Variants in FAM169A observed in about 807,000 individuals in gnomAD.
The protein encoded by FAM169A is soluble lamin-associated protein of 75 kDa.
Under a neutral mutation model 75.7 loss-of-function variants are expected in FAM169A, and 24 were observed. The observed-to-expected ratio is 0.32, with a 90% confidence interval of 0.23 to 0.45. The LOEUF (loss-of-function observed/expected upper bound fraction) is 0.45, where lower values mean the gene tolerates loss of function less well. Among genes scored for constraint, FAM169A ranks in the 20% least tolerant of loss-of-function variants. The probability of loss-of-function intolerance (pLI) is 1.00; values close to 1 mark genes in which losing one functional copy is unlikely to be tolerated. For missense variants in FAM169A, 673 were observed against 784.0 expected, an observed-to-expected ratio of 0.86 and a Z score of 1.69; for synonymous variants, 271 against 271.0, an observed-to-expected ratio of 1.00 and a Z score of 0.00.
intron 1 of FAM169A, among the ~76,000 whole-genome samples, chr5:74,848,376 G>A (rs1749265623): frequency 6.6e-6 from 1 of 152,018 alleles, no homozygotes; most frequent in South Asian, 2.1e-4. Flanking sequence ...CATACCACTA[G>A]TAAGACTAGA....
intron 1 of FAM169A, among the ~76,000 whole-genome samples, chr5:74,861,552 TA>T (rs1209928807): frequency 1.3e-5 from 2 of 151,956 alleles, no homozygotes; most frequent in Non-Finnish European, 2.9e-5. Context: ...CCATTTCTAC[TA>T]AAAATACAAA....
chr5:74,797,605 G>A (rs748774272), intron 10 of FAM169A, among the ~76,000 whole-genome samples: 3 of 152,158 alleles, frequency 2.0e-5, no homozygotes, highest in Admixed American at 6.5e-5. Flanking sequence ...AGACACACTT[G>A]ACTATTTTAC....
At chr5:74,802,918 A>G (rs1746663548) in intron 8 of FAM169A, among the ~76,000 whole-genome samples, 1 of 152,162 alleles carries the variant, frequency 6.6e-6, no homozygotes, top group South Asian at 2.1e-4. Flanking sequence ...AAGATAAATA[A>G]TAGGAAAAAG....
In FAM169A at chr5:74,785,659, G is replaced by A. The variant is rs540661893; in HGVS notation, c.1261-2525C>T. ...CATGCCTAATTCAAGCTACTTGGGA[G>A]GCTAAAGCATGAGAATCGCTTAAAC... On this transcript the variant is annotated intron_variant, in intron 11 of 12. Coordinates refer to ENST00000687041, the MANE Select transcript of FAM169A (RefSeq NM_001376049.1). Among the ~76,000 whole-genome samples, 6 of 152,280 alleles carry A rather than the reference G, an allele frequency of 3.9e-5. No individual in the cohort carries two copies. The South Asian group carries it at 1.2e-3, about 32-fold the overall frequency.
At chr5:74,863,522 T>G (rs946740997) in intron 1 of FAM169A, among the ~76,000 whole-genome samples, 1 of 152,246 alleles carries the variant, frequency 6.6e-6, no homozygotes, top group South Asian at 2.1e-4. Flanking sequence ...TTGACAGATA[T>G]TGTGGGAACC....
In FAM169A at chr5:74,861,459, G is replaced by C. The variant is rs539502344; in HGVS notation, c.-4+4706C>G. The stretch of plus-strand genomic sequence containing the variant: ...AATAACGTATATCCAAAGTTGACCA[G>C]ACATAGTGGCTCCCAGCACTTTGGG... On this transcript the variant is annotated intron_variant, in intron 1 of 12. Coordinates refer to ENST00000687041, the MANE Select transcript of FAM169A (RefSeq NM_001376049.1). 5.2e-4 allele frequency among the ~76,000 whole-genome samples: 79 copies of C among 152,232 alleles called. 1 individual carries two copies. Among genetic ancestry groups the C allele is most frequent in the Admixed American group, 3.3e-3 (50 of 15,290 alleles).
chr5:74,778,326 G>A lies in FAM169A; in HGVS notation c.*3134C>T, dbSNP rs1745225712. On this transcript the variant is annotated 3_prime_UTR_variant, in exon 13 of 13. Transcript: ENST00000687041. ...TTAAGATCTGTTTCAGTTTGCTGGT[G>A]TGACCAAACCTTAGAAGGTAATCCC... The A allele has an allele frequency of 6.6e-6, 1 of 151,980 alleles. No individual in the cohort carries two copies. Among genetic ancestry groups the A allele is most frequent in the African/African-American group, 2.4e-5 (1 of 41,408 alleles). 9.4% of individuals were successfully genotyped at this position (151,980 alleles called of 1,614,324 possible). A position where few individuals can be genotyped will look rare whatever the true frequency, so the allele number is the denominator to read the frequency against.
At chr5:74,816,042 T>C (rs1363020386) in intron 5 of FAM169A, among the ~76,000 whole-genome samples, 10 of 152,254 alleles carry the variant, frequency 6.6e-5, no homozygotes, top group African/African-American at 2.2e-4. Context: ...GGACTTGCCC[T>C]GAATTCTTTC....
At chr5:74,845,552 T>C (rs1749110459) in intron 1 of FAM169A, among the ~76,000 whole-genome samples, 7 of 152,164 alleles carry the variant, frequency 4.6e-5, no homozygotes, top group Admixed American at 4.6e-4. Context: ...TAAAACTTGA[T>C]GTACATATGG....
intron 10 of FAM169A, among the ~76,000 whole-genome samples, chr5:74,797,743 T>C (rs921640913): frequency 6.6e-6 from 1 of 152,196 alleles, no homozygotes; most frequent in Non-Finnish European, 1.5e-5. Flanking sequence ...TTTCCATCAC[T>C]GCAGAAAGTT....
rs528995040 is a variant in FAM169A at position 74,862,252 on chromosome 5, T to C, written c.-4+3913A>G. 4.6e-5 allele frequency among the ~76,000 whole-genome samples: 7 copies of C among 152,308 alleles called. No homozygotes were observed. The South Asian group carries it at 1.5e-3, about 32-fold the overall frequency. On this transcript the variant is annotated intron_variant, in intron 1 of 12. Coordinates refer to ENST00000687041, the MANE Select transcript of FAM169A (RefSeq NM_001376049.1). ...GTTCATTCCTTCCTTTGAAAACCCA[T>C]TATTGGTTCCCCATCACCATGGAGC...
rs370643580 is a variant in FAM169A at position 74,840,974 on chromosome 5, T to C, written c.132+571A>G. ...GATAACATTACAATTCAGAGAATTA[T>C]AAAAATATTGGTGCTGGGGAAGACT... On this transcript the variant is annotated intron_variant, in intron 2 of 12. Transcript: ENST00000687041. Among the ~76,000 whole-genome samples, 165 of 152,282 alleles carry C rather than the reference T, an allele frequency of 1.1e-3. 1 individual carries two copies. In the South Asian group the frequency reaches 0.032, roughly 30 times the overall value.
chr5:74,805,596 T>C (rs1376089054), intron 6 of FAM169A, among the ~76,000 whole-genome samples: 1 of 141,732 alleles, frequency 7.1e-6, no homozygotes, highest in Non-Finnish European at 1.5e-5. Context: ...AGTGGCGCGA[T>C]CTCGGCTCAC....
intron 7 of FAM169A, among the ~76,000 whole-genome samples, chr5:74,804,828 G>A (rs1032190858): frequency 6.6e-6 from 1 of 152,144 alleles, no homozygotes; most frequent in Non-Finnish European, 1.5e-5. Context: ...GGGGAGAAGT[G>A]CATGAGATTA....
upstream of FAM169A, chr5:74,866,884 G>A (rs962117509): frequency 4.1e-6 from 4 of 985,350 alleles, no homozygotes; most frequent in African/African-American, 7.0e-5. Context: ...GAGGACCGCC[G>A]GCCTCCGCCC....
At chr5:74,794,562 A>T (rs939550855) in intron 11 of FAM169A, among the ~76,000 whole-genome samples, 1 of 151,466 alleles carries the variant, frequency 6.6e-6, no homozygotes, top group South Asian at 2.1e-4. Flanking sequence ...GCGGATCACA[A>T]GGTCAGGAGA....
At chr5:74,820,713 C>T (rs1371647095) in intron 5 of FAM169A, among the ~76,000 whole-genome samples, 4 of 152,198 alleles carry the variant, frequency 2.6e-5, no homozygotes, top group African/African-American at 9.7e-5. Context: ...CCCCTGCACC[C>T]AGTTTCCCAC....
intron 8 of FAM169A, among the ~76,000 whole-genome samples, chr5:74,802,105 TCA>T (rs929846477): frequency 6.4e-4 from 97 of 151,958 alleles, no homozygotes; most frequent in African/African-American, 2.2e-3. Flanking sequence ...TAATGACGAT[TCA>T]GTCAGTCATT....
chr5:74,825,163 G>A (rs572446843), intron 5 of FAM169A, among the ~76,000 whole-genome samples: 2 of 152,166 alleles, frequency 1.3e-5, no homozygotes, highest in South Asian at 2.1e-4. Flanking sequence ...AAAGTCTCCA[G>A]TAACTATGTA....
Sources: gnomAD v4.1 joint callset for allele counts (sites outside exome capture counted in the v4.1 genomes callset) on GRCh38, gnomAD v4.1.1 for gene constraint, MANE v1.5 for transcripts, NCBI Gene and HGNC (gene_info 2026-07-23, HGNC 2026-07-21) for gene names.